The following LRP1B variants were observed in gnomAD, a reference collection of about 807,000 sequenced individuals.
LRP1B encodes the protein LDL receptor related protein 1B, also known as low-density lipoprotein receptor-related protein 1B.
Under a neutral mutation model 556.6 loss-of-function variants are expected in LRP1B, and 217 were observed. The observed-to-expected ratio is 0.39, with a 90% CI of 0.35 to 0.44. The LOEUF is 0.44. Ranked by LOEUF, LRP1B falls within the 20% of genes least tolerant of loss-of-function variation. LRP1B has a pLI of 1.00. For missense variants in LRP1B, 5,053 were observed against 5,620.8 expected (o/e 0.90, Z 3.23); for synonymous variants, 2,047 against 1,865.8 (o/e 1.10, Z -2.50).
chr2:140,544,192 T>C (rs1363996294), intron 43 of LRP1B, among the ~76,000 whole-genome samples: 1 of 52,512 alleles, frequency 1.9e-5, no homozygotes, highest in African/African-American at 4.6e-5. Flanking sequence ...ATCACAGGGG[T>C]ATTAACTTTT....
chr2:141,086,574 T>A (rs6429863), intron 7 of LRP1B, among the ~76,000 whole-genome samples: 117,578 of 151,934 alleles, frequency 0.77, 45,700 homozygotes, highest in East Asian at 0.83. Context: ...AACATTTAAC[T>A]GAATTGAACT....
At chr2:141,347,803 A>G (rs566117166) in intron 3 of LRP1B, among the ~76,000 whole-genome samples, 1 of 152,052 alleles carries the variant, frequency 6.6e-6, no homozygotes, top group East Asian at 1.9e-4. Context: ...AGGATCTAGC[A>G]ACATTTTTGT....
chr2:141,865,886 A>T (rs1698397312), intron 1 of LRP1B, among the ~76,000 whole-genome samples: 1 of 152,080 alleles, frequency 6.6e-6, no homozygotes, highest in Non-Finnish European at 1.5e-5. Flanking sequence ...TGTTTCTTCC[A>T]CTCTAGGTTG....
intron 3 of LRP1B, among the ~76,000 whole-genome samples, chr2:141,397,242 G>T (rs954349374): frequency 2.0e-5 from 3 of 151,412 alleles, no homozygotes; most frequent in Non-Finnish European, 4.4e-5. Context: ...TTCTACAGTA[G>T]GTATAATAGG....
intron 1 of LRP1B, among the ~76,000 whole-genome samples, chr2:141,937,497 T>A (rs946682598): frequency 2.6e-5 from 4 of 151,744 alleles, no homozygotes; most frequent in African/African-American, 9.7e-5. Context: ...ATTGAGACTA[T>A]ATATATATTA....
intron 7 of LRP1B, among the ~76,000 whole-genome samples, chr2:141,169,306 A>C (rs1680395388): frequency 6.7e-6 from 1 of 148,272 alleles, no homozygotes. Flanking sequence ...AAATAAATAA[A>C]TAAATAAATA....
chr2:141,847,192 T>G (rs1316430426), intron 1 of LRP1B, among the ~76,000 whole-genome samples: 3 of 151,582 alleles, frequency 2.0e-5, no homozygotes, highest in Non-Finnish European at 3.0e-5. Flanking sequence ...AATTAGAAGA[T>G]GTAATAGAAA....
At position 140,383,914 on chromosome 2, in the gene LRP1B, TAC is replaced by T. The variant is rs1683647715; in HGVS notation, c.10531+1977_10531+1978del. On this transcript the variant is annotated intron_variant, in intron 67 of 90. Transcript: ENST00000389484. Reference sequence around the variant, plus strand: ...TGCTTTTTCTTAAGGGCACTGTGGCTACAGTGATTTATCACTGAGTTTCCACA... The same window carrying T: ...TGCTTTTTCTTAAGGGCACTGTGGCTAGTGATTTATCACTGAGTTTCCACA... 7.9e-5 allele frequency among the ~76,000 whole-genome samples: 12 copies of T among 152,164 alleles called. No homozygotes were observed. In the South Asian group the frequency reaches 2.5e-3, roughly 32 times the overall value.
intron 8 of LRP1B, among the ~76,000 whole-genome samples, chr2:141,060,052 T>C (rs1006003057): frequency 5.3e-5 from 8 of 151,782 alleles, no homozygotes; most frequent in Non-Finnish European, 7.4e-5. Flanking sequence ...GTATGTGCGG[T>C]TTGATTATAA....
At chr2:141,675,105 T>G (rs1319789214) in intron 2 of LRP1B, among the ~76,000 whole-genome samples, 1 of 151,940 alleles carries the variant, frequency 6.6e-6, no homozygotes, top group Non-Finnish European at 1.5e-5. Context: ...TTAAAGAAAT[T>G]TGTGTTCTTA....
chr2:141,164,102 G>T (rs1016699520), intron 7 of LRP1B, among the ~76,000 whole-genome samples: 3 of 151,902 alleles, frequency 2.0e-5, no homozygotes, highest in South Asian at 4.2e-4. Flanking sequence ...TTTAAATATG[G>T]GTAAGATAAT....
chr2:140,370,532 C>T (rs1573856365), intron 71 of LRP1B, among the ~76,000 whole-genome samples, 178 bp downstream of exon 71: 1 of 151,960 alleles, frequency 6.6e-6, no homozygotes, highest in African/African-American at 2.4e-5. Context: ...TATACTCTGT[C>T]TGACAATGAT....
intron 25 of LRP1B, among the ~76,000 whole-genome samples, chr2:140,871,798 C>A (rs1693137754): frequency 6.6e-6 from 1 of 151,988 alleles, no homozygotes; most frequent in African/African-American, 2.4e-5. Context: ...TCTTTTTTTT[C>A]CACCATGACA....
chr2:140,743,965 CAAA>C (rs780716758), intron 35 of LRP1B, among the ~76,000 whole-genome samples: 1 of 2,580 alleles, frequency 3.9e-4, no homozygotes, highest in East Asian at 8.1e-3. Context: ...GACTTGGTCT[CAAA>C]AAAAAAAAAA....
chr2:140,674,647 T>C (rs1413146105), intron 41 of LRP1B, among the ~76,000 whole-genome samples: 2 of 152,224 alleles, frequency 1.3e-5, no homozygotes, highest in Non-Finnish European at 2.9e-5. Context: ...TGATGTCTTA[T>C]GTCTCCCTAA....
chr2:140,399,164 T>C (rs1433189489), intron 66 of LRP1B, among the ~76,000 whole-genome samples: 1 of 122,410 alleles, frequency 8.2e-6, no homozygotes, highest in Non-Finnish European at 1.8e-5. Flanking sequence ...AAGACCAAGA[T>C]ACACACACAC....
intron 41 of LRP1B, chr2:140,683,483 A>G: frequency 1.8e-6 from 1 of 569,068 alleles, no homozygotes. Flanking sequence ...AGCTGACCCA[A>G]GGTTTGAGAT....
chr2:140,640,911 A>G (rs1487398178), intron 41 of LRP1B, among the ~76,000 whole-genome samples: 1 of 152,182 alleles, frequency 6.6e-6, no homozygotes, highest in Non-Finnish European at 1.5e-5. Flanking sequence ...CTGTAACATT[A>G]TCTTCTGCTT....
chr2:141,221,224 G>A (rs1196777557), intron 6 of LRP1B, among the ~76,000 whole-genome samples: 1 of 146,720 alleles, frequency 6.8e-6, no homozygotes, highest in Non-Finnish European at 1.5e-5. Flanking sequence ...CAAGCAAATG[G>A]AAAGCAGAAA....
Sources: allele counts gnomAD v4.1 joint callset (sites outside exome capture counted in the v4.1 genomes callset), GRCh38; gene constraint gnomAD v4.1.1; transcripts MANE v1.5; gene names NCBI Gene and HGNC (gene_info 2026-07-23, HGNC 2026-07-21).